Variants in PBX3 observed in about 807,000 individuals in gnomAD.
PBX3 encodes pre-B-cell leukemia transcription factor 3.
In PBX3, 14 loss-of-function variants were observed where a neutral mutation model predicts 48.5. That is an observed-to-expected ratio of 0.29 (90% CI 0.19 to 0.45). PBX3 has a LOEUF of 0.45. PBX3 is among the 20% of genes least tolerant of loss of function. The pLI is 1.00. For synonymous variants in PBX3, 210 were observed against 200.3 expected (o/e 1.05, Z -0.41); for missense variants, 386 against 546.7 (o/e 0.71, Z 2.93).
rs1554856045 is a variant in PBX3 at position 125,794,715 on chromosome 9, T to TA, written c.274+46094dup. On this transcript the variant is annotated intron_variant, in intron 2 of 8. Coordinates refer to ENST00000373489, the MANE Select transcript of PBX3 (RefSeq NM_006195.6). ...ACTCATGGCTGTTTTTTTTTTTTTTTAACAGTCCCATAAGTTAATAAAACA... is the reference window on the plus strand; with the variant it reads ...ACTCATGGCTGTTTTTTTTTTTTTTTAAACAGTCCCATAAGTTAATAAAACA... 5.2e-4 allele frequency among the ~76,000 whole-genome samples: 79 copies of TA among 151,428 alleles called. No homozygotes were observed. The Middle Eastern group carries it at 0.014, about 26-fold the overall frequency.
At chr9:125,876,489 A>G (rs1429500770) in intron 2 of PBX3, among the ~76,000 whole-genome samples, 2 of 152,212 alleles carry the variant, frequency 1.3e-5, no homozygotes, top group African/African-American at 4.8e-5. Context: ...TACTTCCACT[A>G]AATGAACAGT....
intron 3 of PBX3, among the ~76,000 whole-genome samples, chr9:125,919,845 A>G (rs559596909): frequency 2.0e-4 from 30 of 152,344 alleles, no homozygotes; most frequent in Admixed American, 9.8e-4. Context: ...GACAGACTAG[A>G]GCTACAGTTT....
At chr9:125,904,098 A>G (rs1841015060) in intron 2 of PBX3, among the ~76,000 whole-genome samples, 1 of 151,940 alleles carries the variant, frequency 6.6e-6, no homozygotes, top group Admixed American at 6.6e-5. Flanking sequence ...TATACTAAAA[A>G]TTATTTGGAA....
At chr9:125,822,111 AT>A (rs1378690184) in intron 2 of PBX3, among the ~76,000 whole-genome samples, 1 of 152,148 alleles carries the variant, frequency 6.6e-6, no homozygotes, top group Non-Finnish European at 1.5e-5. Flanking sequence ...TAGTGGAGTT[AT>A]TTTTAAACTG....
intron 2 of PBX3, among the ~76,000 whole-genome samples, chr9:125,780,047 G>C (rs1193242802): frequency 7.3e-6 from 1 of 136,646 alleles, no homozygotes; most frequent in African/African-American, 2.8e-5. Context: ...GGACGGGGCG[G>C]CTGGCCGGGC....
At chr9:125,890,406 G>C (rs1840613658) in intron 2 of PBX3, among the ~76,000 whole-genome samples, 1 of 152,176 alleles carries the variant, frequency 6.6e-6, no homozygotes, top group Non-Finnish European at 1.5e-5. Flanking sequence ...ATTCCACAGG[G>C]AATTTAAATG....
At chr9:125,880,978 T>TA (rs1348620198) in intron 2 of PBX3, among the ~76,000 whole-genome samples, 4 of 152,266 alleles carry the variant, frequency 2.6e-5, no homozygotes, top group African/African-American at 9.6e-5. Flanking sequence ...ATTTTACTGC[T>TA]ATAGAGCAAT....
At chr9:125,750,950 A>C (rs1026087943) in intron 2 of PBX3, among the ~76,000 whole-genome samples, 4 of 152,234 alleles carry the variant, frequency 2.6e-5, no homozygotes, top group Non-Finnish European at 4.4e-5. Flanking sequence ...AATTCGAAAT[A>C]AAACAGCTGT....
At chr9:125,912,167 C>T (rs1841218846) in intron 2 of PBX3, among the ~76,000 whole-genome samples, 1 of 152,138 alleles carries the variant, frequency 6.6e-6, no homozygotes, top group Non-Finnish European at 1.5e-5. Context: ...TACAATCTAG[C>T]CAATGCAGAT....
Position 125,747,484 on chromosome 9 carries a change from C to G in PBX3, c.31C>G (p.Leu11Val). The change falls in exon 1 of 9, where the codon CTG becomes GTG. Residue 11 changes from leucine (L) to valine (V), a missense_variant. Transcript: ENST00000373489. The stretch of plus-strand genomic sequence containing the variant: ...CGATCAATCCAGGATGCTGCAGACT[C>G]TGGCCGGGGTGAACCTGGCTGGCCA... MDDQSRMLQTLAGVNLAGHSV... is the reference protein window; with the variant it reads MDDQSRMLQTVAGVNLAGHSV... 6.3e-7 allele frequency: 1 copy of G among 1,581,264 alleles called. No individual in the cohort carries two copies. Among genetic ancestry groups the G allele is most frequent in the South Asian group, 1.1e-5 (1 of 87,980 alleles).
intron 3 of PBX3, among the ~76,000 whole-genome samples, chr9:125,919,088 T>C (rs1841397506): frequency 6.6e-6 from 1 of 152,220 alleles, no homozygotes; most frequent in Admixed American, 6.5e-5. Flanking sequence ...GTCTTCCTTT[T>C]TCATTGAATT....
intron 2 of PBX3, among the ~76,000 whole-genome samples, chr9:125,803,478 T>C (rs1838030002): frequency 6.6e-6 from 1 of 152,258 alleles, no homozygotes; most frequent in Non-Finnish European, 1.5e-5. Context: ...ATTTAGTTTT[T>C]ATGCCACTTT....
At chr9:125,784,080 G>T (rs12341976) in intron 2 of PBX3, among the ~76,000 whole-genome samples, 77,745 of 151,988 alleles carry the variant, frequency 0.51, 21,636 homozygotes, top group South Asian at 0.63. Flanking sequence ...TTCTGTTAAT[G>T]TCTTCTGTGG....
chr9:125,929,938 T>C (rs188991472), intron 4 of PBX3, 93 bp downstream of exon 4: 1 of 950,396 alleles, frequency 1.1e-6, no homozygotes, highest in African/African-American at 1.6e-5. Flanking sequence ...GGTCTTAGAT[T>C]CTTTTGGCCA....
At position 125,872,147 on chromosome 9, in the gene PBX3, A is replaced by G. The variant is rs565783720; in HGVS notation, c.275-43539A>G. Among the ~76,000 whole-genome samples, 343 of 152,346 alleles carry G rather than the reference A, an allele frequency of 2.3e-3. 2 individuals carry two copies. The highest frequency in any genetic ancestry group is 7.8e-3 in the African/African-American group (326 of 41,578). On this transcript the variant is annotated intron_variant, in intron 2 of 8. Coordinates refer to ENST00000373489, the MANE Select transcript of PBX3 (RefSeq NM_006195.6). The stretch of plus-strand genomic sequence containing the variant: ...AGAAAAAATTAGAGTAACTGATTCA[A>G]TCCAAAAGAAGGCAAGAAAGGAGAA...
rs562058375 is a variant in PBX3, at chr9:125,796,990, G to A, written c.274+48367G>A. ...TGCAAGGCCTGAGATTACCTAATTC[G>A]TATGGTAACCACCCCCCAATAATTC... On this transcript the variant is annotated intron_variant, in intron 2 of 8. Coordinates refer to ENST00000373489, the MANE Select transcript of PBX3 (RefSeq NM_006195.6). Among the ~76,000 whole-genome samples, 15 of 152,000 alleles carry A rather than the reference G, an allele frequency of 9.9e-5. 1 individual carries two copies. Among genetic ancestry groups the A allele is most frequent in the Admixed American group, 8.5e-4 (13 of 15,266 alleles).
intron 2 of PBX3, among the ~76,000 whole-genome samples, chr9:125,771,761 A>G (rs1836945953): frequency 6.6e-6 from 1 of 152,092 alleles, no homozygotes; most frequent in Admixed American, 6.6e-5. Flanking sequence ...CTCATTTCCT[A>G]CCTACTTTTC....
intron 2 of PBX3, among the ~76,000 whole-genome samples, chr9:125,913,413 G>C (rs1841250343): frequency 6.6e-6 from 1 of 152,020 alleles, no homozygotes; most frequent in Admixed American, 6.6e-5. Flanking sequence ...GTTTTTATTT[G>C]TGTCCACGGC....
chr9:125,900,166 A>G (rs1218302473), intron 2 of PBX3, among the ~76,000 whole-genome samples: 1 of 150,948 alleles, frequency 6.6e-6, no homozygotes, highest in Non-Finnish European at 1.5e-5. Flanking sequence ...ATAATTTTTT[A>G]ATAATGATAG....
Sources: gnomAD v4.1 joint callset for allele counts (sites outside exome capture counted in the v4.1 genomes callset) on GRCh38, gnomAD v4.1.1 for gene constraint, MANE v1.5 for transcripts, NCBI Gene and HGNC (gene_info 2026-07-23, HGNC 2026-07-21) for gene names.